Variants in CSMD1 observed in about 807,000 individuals in gnomAD.
CSMD1 encodes CUB and Sushi multiple domains 1.
A neutral mutation model predicts 417.5 loss-of-function variants in CSMD1; 213 were observed. That is an observed-to-expected ratio of 0.51 (90% CI 0.46 to 0.57). CSMD1 has a LOEUF of 0.57. Ranked by LOEUF, CSMD1 falls within the 20% of genes least tolerant of loss-of-function variation. The pLI, the probability that CSMD1 is intolerant of heterozygous loss-of-function variation, is 0.00. For synonymous variants in CSMD1, 2,862 were observed against 1,736.8 expected, an observed-to-expected ratio of 1.65 and a Z score of -16.11; for missense variants, 6,923 against 4,529.7, an observed-to-expected ratio of 1.53 and a Z score of -15.17.
chr8:2,955,670 C>G lies in CSMD1; in HGVS notation c.9913G>C (p.Gly3305Arg). 1 of 1,613,910 alleles carries G rather than the reference C, an allele frequency of 6.2e-7. No homozygotes were observed. Among genetic ancestry groups the G allele is most frequent in the Non-Finnish European group, 8.5e-7 (1 of 1,179,836 alleles). ...GYTLVYTCHP[G>R]FFLAGGSEHR... Reference sequence around the variant, plus strand: ...TCAGATCCCCCTGCGAGGAAAAAGCCTGGATGGCAGGTGTACACTAAGGTG... The same window carrying G: ...TCAGATCCCCCTGCGAGGAAAAAGCGTGGATGGCAGGTGTACACTAAGGTG... The change falls in exon 64 of 70, where the codon GGC (glycine) becomes CGC (arginine). Residue 3305 changes from glycine (G) to arginine (R), a missense_variant. Physicochemically the swap from Gly to Arg is moderately radical, Grantham distance 125. Transcript: ENST00000635120.
intron 2 of CSMD1, among the ~76,000 whole-genome samples, chr8:4,462,303 A>T (rs906299791): frequency 1.3e-5 from 2 of 152,238 alleles, no homozygotes; most frequent in Admixed American, 1.3e-4. Flanking sequence ...AAATAAGTAC[A>T]AAATATATAT....
intron 2 of CSMD1, among the ~76,000 whole-genome samples, chr8:4,525,014 T>A (rs1197358683): frequency 6.6e-6 from 1 of 152,152 alleles, no homozygotes; most frequent in Admixed American, 6.6e-5. Flanking sequence ...ATAATTGCAG[T>A]TTATATTTTG....
chr8:4,724,361 A>G (rs1476252411), intron 1 of CSMD1, among the ~76,000 whole-genome samples: 2 of 152,130 alleles, frequency 1.3e-5, no homozygotes, highest in Non-Finnish European at 1.5e-5. Context: ...TTAAAATATA[A>G]TAAGATTTTC....
intron 2 of CSMD1, among the ~76,000 whole-genome samples, chr8:4,539,277 T>C (rs1238829492): frequency 2.6e-5 from 4 of 152,224 alleles, no homozygotes; most frequent in African/African-American, 7.2e-5. Flanking sequence ...TTCTGGAAGA[T>C]AGTATGCATA....
intron 7 of CSMD1, among the ~76,000 whole-genome samples, chr8:3,697,012 T>C (rs547580230): frequency 6.6e-6 from 1 of 152,280 alleles, no homozygotes; most frequent in African/African-American, 2.4e-5. Flanking sequence ...TCATGGGTTC[T>C]GGTGAATGTG....
chr8:4,155,641 T>C (rs895147586), intron 3 of CSMD1, among the ~76,000 whole-genome samples: 4 of 152,202 alleles, frequency 2.6e-5, no homozygotes, highest in Non-Finnish European at 4.4e-5. Flanking sequence ...GGTTAGCTGA[T>C]GACATAATAC....
intron 3 of CSMD1, among the ~76,000 whole-genome samples, chr8:4,302,323 T>G (rs1798021590): frequency 6.6e-6 from 1 of 152,122 alleles, no homozygotes; most frequent in Non-Finnish European, 1.5e-5. Context: ...CTAATAACTG[T>G]AAAAATAATA....
intron 3 of CSMD1, among the ~76,000 whole-genome samples, chr8:4,160,282 G>A (rs1405046636): frequency 6.6e-6 from 1 of 152,050 alleles, no homozygotes; most frequent in East Asian, 1.9e-4. Flanking sequence ...TTCTTGGAAA[G>A]TACTGAATTT....
intron 5 of CSMD1, among the ~76,000 whole-genome samples, chr8:3,827,665 A>C (rs1802133359): frequency 1.3e-5 from 2 of 152,240 alleles, no homozygotes; most frequent in South Asian, 4.1e-4. Context: ...GATTTTTGAA[A>C]GTCAGATAAA....
chr8:4,613,299 A>G (rs2725041), intron 2 of CSMD1, among the ~76,000 whole-genome samples: 79,921 of 151,940 alleles, frequency 0.53, 21,976 homozygotes, highest in African/African-American at 0.7. Flanking sequence ...CCGAGTGCCC[A>G]TTGCACTAGA....
intron 4 of CSMD1, among the ~76,000 whole-genome samples, chr8:3,999,125 T>A (rs73180098): frequency 0.077 from 11,612 of 151,710 alleles, 516 homozygotes; most frequent in Middle Eastern, 0.12. Context: ...TTTTTAAAAT[T>A]TCTTCCTTCC....
intron 6 of CSMD1, among the ~76,000 whole-genome samples, chr8:3,714,108 A>C (rs942800223): frequency 6.6e-6 from 1 of 150,566 alleles, no homozygotes; most frequent in African/African-American, 2.4e-5. Context: ...ATATAAATGT[A>C]TAAAATATAA....
chr8:4,175,129 T>C (rs1797972127), intron 3 of CSMD1, among the ~76,000 whole-genome samples: 2 of 152,054 alleles, frequency 1.3e-5, no homozygotes, highest in African/African-American at 4.8e-5. Flanking sequence ...ATCTGAGGAA[T>C]AGTGTAAGAC....
chr8:3,276,463 C>T (rs1802299102), intron 26 of CSMD1, among the ~76,000 whole-genome samples: 1 of 152,144 alleles, frequency 6.6e-6, no homozygotes, highest in Non-Finnish European at 1.5e-5. Flanking sequence ...GAAGAGAGAG[C>T]TTGTGCAGGG....
chr8:3,054,239 T>A (rs534474844), intron 49 of CSMD1, among the ~76,000 whole-genome samples: 1 of 152,330 alleles, frequency 6.6e-6, no homozygotes, highest in South Asian at 2.1e-4. Context: ...AGAAAATGTA[T>A]TCCCCAATAA....
At chr8:3,317,263 T>C (rs1805836622) in intron 23 of CSMD1, among the ~76,000 whole-genome samples, 1 of 152,194 alleles carries the variant, frequency 6.6e-6, no homozygotes, top group Non-Finnish European at 1.5e-5. Context: ...ATGAAATAAT[T>C]AAAAATAAAC....
At chr8:3,197,240 CG>C (rs1380028357) in intron 33 of CSMD1, among the ~76,000 whole-genome samples, 3 of 143,958 alleles carry the variant, frequency 2.1e-5, no homozygotes, top group African/African-American at 7.8e-5. Context: ...TGGAGTCACA[CG>C]TTTTTTTGCA....
intron 8 of CSMD1, among the ~76,000 whole-genome samples, chr8:3,611,783 A>G (rs1801906359): frequency 6.6e-6 from 1 of 152,136 alleles, no homozygotes; most frequent in Non-Finnish European, 1.5e-5. Flanking sequence ...TAACTCGATG[A>G]ATCATTATTT....
intron 3 of CSMD1, among the ~76,000 whole-genome samples, chr8:4,207,832 C>G (rs541493578): frequency 1.3e-5 from 2 of 152,108 alleles, no homozygotes; most frequent in Admixed American, 6.5e-5. Flanking sequence ...GATGCAACCT[C>G]AGCCCTGGTG....
Sources: allele counts gnomAD v4.1 joint callset (sites outside exome capture counted in the v4.1 genomes callset), GRCh38; gene constraint gnomAD v4.1.1; transcripts MANE v1.5; gene names NCBI Gene and HGNC (gene_info 2026-07-23, HGNC 2026-07-21).